TMEM163: variants seen among roughly 807,000 people sequenced by gnomAD.
TMEM163 encodes transmembrane protein 163.
Under a neutral mutation model 29.3 loss-of-function variants are expected in TMEM163, and 17 were observed. That is an observed-to-expected ratio of 0.58 (90% CI 0.40 to 0.87). The LOEUF is 0.87. Among genes scored for constraint, TMEM163 ranks in the 40% least tolerant of loss-of-function variants. TMEM163 has a pLI of 0.00. For synonymous variants in TMEM163, 157 were observed against 160.6 expected (o/e 0.98, Z 0.17); for missense variants, 303 against 381.5 (o/e 0.79, Z 1.71).
chr2:134,654,794 CCTT>C (rs1413580763), intron 2 of TMEM163, among the ~76,000 whole-genome samples: 1 of 90,674 alleles, frequency 1.1e-5, no homozygotes, highest in African/African-American at 6.3e-5. Flanking sequence ...TTTTATTTCT[CCTT>C]CACTTATGAA....
At chr2:134,551,289 G>A (rs576821028) in intron 3 of TMEM163, among the ~76,000 whole-genome samples, 7 of 152,160 alleles carry the variant, frequency 4.6e-5, no homozygotes, top group Admixed American at 4.6e-4. Flanking sequence ...GTGTGTGTGT[G>A]TGTGGTGGTG....
chr2:134,456,439 T>C lies in TMEM163; in HGVS notation c.*277A>G. ...TCTGCCAAAGATCTCATCCTACCCA[T>C]GAGAACCATCATACTCCAGAGACTA... On this transcript the variant is annotated 3_prime_UTR_variant, in exon 8 of 8. Transcript: ENST00000281924. 3 of 452,402 alleles carry C rather than the reference T, an allele frequency of 6.6e-6. No homozygotes were observed. Among genetic ancestry groups the C allele is most frequent in the South Asian group, 2.7e-5 (1 of 37,644 alleles). The allele number at this position is 452,402 out of a possible 1,614,324, so 28.0% of individuals were successfully genotyped here.
chr2:134,674,762 G>T (rs993951526), intron 2 of TMEM163, among the ~76,000 whole-genome samples: 11 of 152,002 alleles, frequency 7.2e-5, no homozygotes, highest in African/African-American at 2.2e-4. Flanking sequence ...GATCACAAAC[G>T]ACTGCAAAAA....
intron 4 of TMEM163, among the ~76,000 whole-genome samples, chr2:134,521,003 C>CT (rs56291030): frequency 0.25 from 36,090 of 146,250 alleles, 5,732 homozygotes; most frequent in African/African-American, 0.44. Flanking sequence ...GCCTTGGGAA[C>CT]TTTTTTTTTT....
Position 134,690,586 on chromosome 2 carries a change from T to C in TMEM163, c.322+22614A>G, listed in dbSNP as rs562762919. ...GGCATGAGCCACCGCACTCAGCCTATATCGGCAATTTATAAAGGAGAAAAG... is the reference window on the plus strand; with the variant it reads ...GGCATGAGCCACCGCACTCAGCCTACATCGGCAATTTATAAAGGAGAAAAG... On this transcript the variant is annotated intron_variant, in intron 2 of 7. Coordinates refer to ENST00000281924, the MANE Select transcript of TMEM163 (RefSeq NM_030923.5). Among the ~76,000 whole-genome samples, 45 of 152,334 alleles carry C rather than the reference T, an allele frequency of 3.0e-4. No homozygotes were observed. The South Asian group carries it at 8.5e-3, about 29-fold the overall frequency.
chr2:134,656,743 C>G (rs183903856), intron 2 of TMEM163, among the ~76,000 whole-genome samples: 3 of 152,264 alleles, frequency 2.0e-5, no homozygotes, highest in African/African-American at 7.2e-5. Context: ...TCATAGATGG[C>G]TCTTATTATT....
chr2:134,707,030 C>T (rs765427788), intron 2 of TMEM163, among the ~76,000 whole-genome samples: 3 of 152,182 alleles, frequency 2.0e-5, no homozygotes, highest in Non-Finnish European at 2.9e-5. Context: ...AAGCAGCCTC[C>T]GGGTTTATCG....
chr2:134,628,152 C>G (rs957423650), intron 2 of TMEM163, among the ~76,000 whole-genome samples: 7 of 152,098 alleles, frequency 4.6e-5, no homozygotes, highest in African/African-American at 1.7e-4. Context: ...ATCTTTGAGT[C>G]AACAATTTAA....
chr2:134,583,190 G>A (rs184938800), intron 2 of TMEM163, among the ~76,000 whole-genome samples: 3 of 152,232 alleles, frequency 2.0e-5, no homozygotes, highest in Admixed American at 6.5e-5. Context: ...CTCATCCCAC[G>A]CTGGCAAGCC....
chr2:134,718,952 TC>T lies in TMEM163; in HGVS notation c.-18del. ...CGGCTCCATGGCGCGGGGCTGCGGA[TC>T]CCGGCGGCGGCGACGACAAGCGCGG... On this transcript the variant is annotated 5_prime_UTR_variant, in exon 1 of 8. Transcript: ENST00000281924. The T allele has an allele frequency of 9.7e-7, 1 of 1,031,442 alleles. No homozygotes were observed. 63.9% of individuals were successfully genotyped at this position (1,031,442 alleles called of 1,614,324 possible).
intron 2 of TMEM163, among the ~76,000 whole-genome samples, chr2:134,664,220 T>A (rs1228849829): frequency 6.6e-6 from 1 of 152,232 alleles, no homozygotes; most frequent in Non-Finnish European, 1.5e-5. Context: ...ATAATGTCCA[T>A]GGCTTGGACT....
At chr2:134,595,778 T>C (rs1378563762) in intron 2 of TMEM163, among the ~76,000 whole-genome samples, 2 of 152,232 alleles carry the variant, frequency 1.3e-5, no homozygotes, top group South Asian at 2.1e-4. Context: ...CCAGCACCTG[T>C]TGTTTCCTGA....
intron 4 of TMEM163, among the ~76,000 whole-genome samples, chr2:134,506,977 T>A (rs1359389297): frequency 1.3e-5 from 2 of 152,072 alleles, no homozygotes; most frequent in African/African-American, 4.8e-5. Context: ...ACTTCATGGA[T>A]CAGAAAGAGG....
At chr2:134,594,655 C>G (rs1036122147) in intron 2 of TMEM163, among the ~76,000 whole-genome samples, 5 of 152,218 alleles carry the variant, frequency 3.3e-5, no homozygotes, top group Non-Finnish European at 7.3e-5. Context: ...AGAAAGCCTG[C>G]TTGCTGAGTT....
At chr2:134,666,333 G>A (rs1056792349) in intron 2 of TMEM163, among the ~76,000 whole-genome samples, 3 of 151,758 alleles carry the variant, frequency 2.0e-5, no homozygotes, top group African/African-American at 7.2e-5. Context: ...CCAACACTGG[G>A]CCCCTGCCCA....
At chr2:134,574,945 T>A (rs1237214433) in intron 2 of TMEM163, among the ~76,000 whole-genome samples, 1 of 151,152 alleles carries the variant, frequency 6.6e-6, no homozygotes, top group Non-Finnish European at 1.5e-5. Flanking sequence ...TTTTCTAATA[T>A]GCACTAAGGT....
At chr2:134,503,133 C>A in intron 4 of TMEM163, 136 bp from the exon 5 acceptor site, 1 of 761,884 alleles carries the variant, frequency 1.3e-6, no homozygotes. Flanking sequence ...GGTGACCACC[C>A]ACAGTCCATG....
At chr2:134,668,032 G>A (rs2104864295) in intron 2 of TMEM163, among the ~76,000 whole-genome samples, 1 of 152,324 alleles carries the variant, frequency 6.6e-6, no homozygotes, top group Middle Eastern at 3.4e-3. Flanking sequence ...AAGACCTGCT[G>A]GGCCTCGCTT....
chr2:134,619,637 T>G (rs1400967131), intron 2 of TMEM163, among the ~76,000 whole-genome samples: 2 of 152,116 alleles, frequency 1.3e-5, no homozygotes, highest in African/African-American at 4.8e-5. Context: ...AAAACTAGTT[T>G]CCCCCAAAGC....
Sources: allele counts gnomAD v4.1 joint callset (sites outside exome capture counted in the v4.1 genomes callset), GRCh38; gene constraint gnomAD v4.1.1; transcripts MANE v1.5; gene names NCBI Gene and HGNC (gene_info 2026-07-23, HGNC 2026-07-21).